Variants in TENM3 observed in about 807,000 individuals in gnomAD.
TENM3 encodes teneurin-3.
A neutral mutation model predicts 255.1 loss-of-function variants in TENM3; 63 were observed. The observed-to-expected ratio is 0.25, with a 90% CI of 0.20 to 0.30. The LOEUF is 0.30. Among genes scored for constraint, TENM3 ranks in the 10% least tolerant of loss-of-function variants. The pLI is 1.00. For synonymous variants in TENM3, 1,306 were observed against 1,322.3 expected (o/e 0.99, Z 0.27); for missense variants, 2,929 against 3,461.1 (o/e 0.85, Z 3.86).
At chr4:182,007,983 G>A in the TENM3 span, among the ~76,000 whole-genome samples, 1 of 152,122 alleles carries the variant, frequency 6.6e-6, no homozygotes, top group Non-Finnish European at 1.5e-5. Flanking sequence ...TGCTTATGAA[G>A]CTTAGTTTGG....
the TENM3 span, among the ~76,000 whole-genome samples, chr4:181,688,486 T>C: frequency 1.4e-5 from 2 of 141,990 alleles, no homozygotes; most frequent in African/African-American, 5.3e-5. Context: ...TGCTCTAGTC[T>C]GTGGTTAAAA....
chr4:182,065,836 T>G, the TENM3 span, among the ~76,000 whole-genome samples: 1 of 152,218 alleles, frequency 6.6e-6, no homozygotes, highest in African/African-American at 2.4e-5. Context: ...GTCTGAATCT[T>G]GTTACCAAAC....
the TENM3 span, among the ~76,000 whole-genome samples, chr4:182,126,699 A>G: frequency 6.6e-6 from 1 of 152,252 alleles, no homozygotes; most frequent in South Asian, 2.1e-4. Context: ...TCTGAATCAC[A>G]TTGCTGTACT....
the TENM3 span, among the ~76,000 whole-genome samples, chr4:182,038,760 T>A: frequency 6.6e-6 from 1 of 151,988 alleles, no homozygotes; most frequent in African/African-American, 2.4e-5. Flanking sequence ...TGAGACAGAG[T>A]TTCACTCTTG....
At chr4:181,841,824 C>T in the TENM3 span, among the ~76,000 whole-genome samples, 2 of 152,202 alleles carry the variant, frequency 1.3e-5, no homozygotes, top group Admixed American at 1.3e-4. Flanking sequence ...ATGTGCCACT[C>T]ACCATGGAAA....
the TENM3 span, among the ~76,000 whole-genome samples, chr4:181,448,309 A>C: frequency 2.8e-4 from 39 of 141,148 alleles, 4 homozygotes; most frequent in Middle Eastern, 7.8e-3. Context: ...GTAGCTGGGA[A>C]TACAGGCGCC....
chr4:181,769,496 C>T, the TENM3 span, among the ~76,000 whole-genome samples: 1 of 152,064 alleles, frequency 6.6e-6, no homozygotes, highest in Non-Finnish European at 1.5e-5. Context: ...ATAAATCTGT[C>T]GAGTGGTTAA....
the TENM3 span, among the ~76,000 whole-genome samples, chr4:181,537,532 AG>A: frequency 1.3e-5 from 2 of 152,238 alleles, no homozygotes; most frequent in Admixed American, 1.3e-4. Flanking sequence ...ATTACTTTAT[AG>A]TGTATCTAGA....
chr4:181,867,637 G>C, the TENM3 span, among the ~76,000 whole-genome samples: 1 of 152,160 alleles, frequency 6.6e-6, no homozygotes. Context: ...GAGCAAACGA[G>C]TTATCATTTT....
At chr4:181,554,194 C>A in the TENM3 span, among the ~76,000 whole-genome samples, 1 of 151,992 alleles carries the variant, frequency 6.6e-6, no homozygotes, top group Admixed American at 6.6e-5. Context: ...TTGGCACTTA[C>A]GTAATTACTA....
At chr4:182,638,494 C>T (rs975969940) in intron 5 of TENM3, among the ~76,000 whole-genome samples, 2 of 152,092 alleles carry the variant, frequency 1.3e-5, no homozygotes, top group Admixed American at 6.5e-5. Flanking sequence ...TGAGGCCCCC[C>T]CATTGTGCAT....
chr4:182,672,658 AC>A (rs1755317783), intron 6 of TENM3, among the ~76,000 whole-genome samples: 1 of 152,200 alleles, frequency 6.6e-6, no homozygotes, highest in Non-Finnish European at 1.5e-5. Context: ...TAAGTACCAG[AC>A]CCTAATCTCT....
the TENM3 span, among the ~76,000 whole-genome samples, chr4:181,948,592 T>G: frequency 1.3e-5 from 2 of 151,976 alleles, no homozygotes; most frequent in South Asian, 4.2e-4. Flanking sequence ...ATTTTTGTAT[T>G]TTTTTAGTAG....
At chr4:181,567,960 G>A in the TENM3 span, among the ~76,000 whole-genome samples, 1 of 152,066 alleles carries the variant, frequency 6.6e-6, no homozygotes, top group Non-Finnish European at 1.5e-5. Context: ...ACTTGTCAGA[G>A]ACGTGCTTTC....
At chr4:182,072,939 G>A in the TENM3 span, among the ~76,000 whole-genome samples, 1 of 152,272 alleles carries the variant, frequency 6.6e-6, no homozygotes, top group Admixed American at 6.5e-5. Context: ...GATTATAAGG[G>A]TGAAGCCCTA....
the TENM3 span, among the ~76,000 whole-genome samples, chr4:181,514,641 G>T: frequency 6.6e-6 from 1 of 152,116 alleles, no homozygotes; most frequent in African/African-American, 2.4e-5. Flanking sequence ...GTGAGATGGG[G>T]GATTCTGGTC....
chr4:182,582,061 C>T (rs1478085129), intron 3 of TENM3, among the ~76,000 whole-genome samples: 1 of 152,134 alleles, frequency 6.6e-6, no homozygotes, highest in Admixed American at 6.5e-5. Flanking sequence ...CTCTGTTCCC[C>T]TATTTAATAT....
At chr4:181,605,474 G>A in the TENM3 span, among the ~76,000 whole-genome samples, 1 of 95,744 alleles carries the variant, frequency 1.0e-5, no homozygotes, top group Non-Finnish European at 2.2e-5. Context: ...GAGAGAGAGA[G>A]AAACAGAGAA....
chr4:181,623,477 G>T, the TENM3 span, among the ~76,000 whole-genome samples: 3 of 152,178 alleles, frequency 2.0e-5, no homozygotes. Flanking sequence ...TTGCCTGTGT[G>T]AACAATCAAG....
Sources: gnomAD v4.1 joint callset for allele counts (sites outside exome capture counted in the v4.1 genomes callset) on GRCh38, gnomAD v4.1.1 for gene constraint, MANE v1.5 for transcripts, NCBI Gene and HGNC (gene_info 2026-07-23, HGNC 2026-07-21) for gene names.